The following CACNA2D3 variants were observed in gnomAD, a reference collection of about 807,000 sequenced individuals.
CACNA2D3 encodes the protein voltage-dependent calcium channel subunit alpha-2/delta-3.
CACNA2D3 carries 60 observed loss-of-function variants against 160.6 expected under a neutral mutation model. That is an observed-to-expected ratio of 0.37 (90% CI 0.30 to 0.46). The LOEUF (loss-of-function observed/expected upper bound fraction) is 0.46, where lower values mean the gene tolerates loss of function less well. Among genes scored for constraint, CACNA2D3 ranks in the 20% least tolerant of loss-of-function variants. CACNA2D3 has a pLI of 1.00. For missense variants in CACNA2D3, 1,205 were observed against 1,365.0 expected (o/e 0.88, Z 1.85); for synonymous variants, 558 against 492.9 (o/e 1.13, Z -1.75).
Position 54,688,724 on chromosome 3 carries a change from C to T in CACNA2D3, c.1167+46483C>T, listed in dbSNP as rs184320193. ...TTATTAATGTTAATAATTGTAAGGC[C>T]GGGTGTGGTGGCTCATGCCTGTAAT... On this transcript the variant is annotated intron_variant, in intron 11 of 37. Transcript: ENST00000474759. Among the ~76,000 whole-genome samples, 273 of 143,978 alleles carry T rather than the reference C, an allele frequency of 1.9e-3. 1 individual carries two copies. Among genetic ancestry groups the T allele is most frequent in the Non-Finnish European group, 3.1e-3 (203 of 65,850 alleles). 94.5% of individuals were successfully genotyped at this position (143,978 alleles called of 152,430 possible).
intron 4 of CACNA2D3, among the ~76,000 whole-genome samples, chr3:54,397,512 T>C (rs1195813019): frequency 1.4e-5 from 2 of 139,136 alleles, no homozygotes; most frequent in African/African-American, 5.5e-5. Flanking sequence ...TTCTGGTATG[T>C]GGTGTCTTTG....
At chr3:54,456,978 CT>C (rs1002786950) in intron 4 of CACNA2D3, among the ~76,000 whole-genome samples, 4 of 149,316 alleles carry the variant, frequency 2.7e-5, no homozygotes, top group African/African-American at 2.5e-5. Context: ...TTACTTGGGT[CT>C]TTTTTTTTAA....
At chr3:54,739,542 A>G (rs915636288) in intron 11 of CACNA2D3, among the ~76,000 whole-genome samples, 1 of 151,706 alleles carries the variant, frequency 6.6e-6, no homozygotes, top group African/African-American at 2.4e-5. Context: ...AGACATTGGG[A>G]TTCTTTTCAC....
At chr3:54,641,024 C>G (rs1699506601) in intron 10 of CACNA2D3, among the ~76,000 whole-genome samples, 2 of 148,608 alleles carry the variant, frequency 1.3e-5, no homozygotes, top group African/African-American at 2.5e-5. Context: ...CCCCTGTGAT[C>G]TGTATTTGGA....
intron 27 of CACNA2D3, among the ~76,000 whole-genome samples, chr3:54,902,861 G>T (rs1026591531): frequency 1.3e-5 from 2 of 152,164 alleles, no homozygotes; most frequent in African/African-American, 4.8e-5. Context: ...GGATAAGAGA[G>T]AAGAATAAAA....
At chr3:54,949,113 T>C (rs1170540071) in intron 27 of CACNA2D3, among the ~76,000 whole-genome samples, 1 of 152,162 alleles carries the variant, frequency 6.6e-6, no homozygotes, top group African/African-American at 2.4e-5. Context: ...ATTGGCAAAC[T>C]CAGTGGAAAG....
chr3:54,307,889 A>T (rs1703648690), intron 2 of CACNA2D3, among the ~76,000 whole-genome samples: 1 of 152,214 alleles, frequency 6.6e-6, no homozygotes, highest in African/African-American at 2.4e-5. Context: ...AAGGTCATTG[A>T]TGTTATTCAA....
intron 31 of CACNA2D3, among the ~76,000 whole-genome samples, chr3:55,000,010 G>C (rs973496475): frequency 1.3e-5 from 2 of 152,150 alleles, no homozygotes; most frequent in Non-Finnish European, 2.9e-5. Flanking sequence ...GGCACACAGC[G>C]ATGCTAATGA....
intron 2 of CACNA2D3, among the ~76,000 whole-genome samples, chr3:54,152,701 A>G (rs182499603): frequency 4.5e-4 from 68 of 152,364 alleles, no homozygotes; most frequent in African/African-American, 1.5e-3. Flanking sequence ...TTTATGGGAC[A>G]GTGACACATG....
At chr3:54,164,218 C>G (rs1700405666) in intron 2 of CACNA2D3, among the ~76,000 whole-genome samples, 1 of 152,172 alleles carries the variant, frequency 6.6e-6, no homozygotes, top group South Asian at 2.1e-4. Context: ...CCCGGCTGTC[C>G]CCTGCCTTTC....
chr3:54,796,469 A>G (rs1702868377), intron 13 of CACNA2D3, among the ~76,000 whole-genome samples: 1 of 152,214 alleles, frequency 6.6e-6, no homozygotes, highest in South Asian at 2.1e-4. Context: ...AATATCAGGC[A>G]ACACATGGCT....
intron 11 of CACNA2D3, among the ~76,000 whole-genome samples, chr3:54,719,903 C>T (rs1362305874): frequency 6.6e-6 from 1 of 151,888 alleles, no homozygotes; most frequent in East Asian, 1.9e-4. Flanking sequence ...GTGTCCATTT[C>T]CTATAATTTT....
At chr3:54,976,241 A>G (rs1301068680) in intron 29 of CACNA2D3, among the ~76,000 whole-genome samples, 1 of 145,328 alleles carries the variant, frequency 6.9e-6, no homozygotes, top group African/African-American at 2.5e-5. Context: ...TCCCATAGCA[A>G]TGGACTCAAG....
At chr3:54,391,671 C>T (rs989984895) in intron 4 of CACNA2D3, among the ~76,000 whole-genome samples, 1 of 152,084 alleles carries the variant, frequency 6.6e-6, no homozygotes, top group Non-Finnish European at 1.5e-5. Flanking sequence ...CCATGACACC[C>T]AGCTACTTCT....
At chr3:54,238,120 C>T (rs543970017) in intron 2 of CACNA2D3, among the ~76,000 whole-genome samples, 2 of 152,304 alleles carry the variant, frequency 1.3e-5, no homozygotes, top group Admixed American at 1.3e-4. Context: ...ATTCATCAGA[C>T]TTGCCTTTCT....
chr3:54,855,599 G>A (rs1699151819), intron 17 of CACNA2D3, among the ~76,000 whole-genome samples: 1 of 152,070 alleles, frequency 6.6e-6, no homozygotes, highest in African/African-American at 2.4e-5. Flanking sequence ...GAAAAGTGAA[G>A]GAGGGAGAGA....
chr3:54,590,786 A>T (rs1410497951), intron 9 of CACNA2D3, among the ~76,000 whole-genome samples: 2 of 152,158 alleles, frequency 1.3e-5, no homozygotes, highest in East Asian at 3.9e-4. Context: ...ATCTATGATT[A>T]CCTCAAAATA....
At chr3:54,942,098 TG>T (rs1220341723) in intron 27 of CACNA2D3, among the ~76,000 whole-genome samples, 1 of 152,240 alleles carries the variant, frequency 6.6e-6, no homozygotes, top group Non-Finnish European at 1.5e-5. Flanking sequence ...AAGGAAGTGT[TG>T]GCTAGAGCCT....
At chr3:55,038,907 T>TATATATATATATATACAC (rs1553636480) in intron 35 of CACNA2D3, among the ~76,000 whole-genome samples, 1 of 113,066 alleles carries the variant, frequency 8.8e-6, no homozygotes, top group African/African-American at 3.2e-5. Flanking sequence ...TATATATATA[T>TATATATATATATATACAC]ACACACACTG....
Sources: allele counts gnomAD v4.1 joint callset (sites outside exome capture counted in the v4.1 genomes callset), GRCh38; gene constraint gnomAD v4.1.1; transcripts MANE v1.5; gene names NCBI Gene and HGNC (gene_info 2026-07-23, HGNC 2026-07-21).